ESRRB: variants seen among roughly 807,000 people sequenced by gnomAD.
The protein encoded by ESRRB is estrogen related receptor beta, also known as steroid hormone receptor ERR2.
In ESRRB, 16 loss-of-function variants were observed where a neutral mutation model predicts 46.0. That is an observed-to-expected ratio of 0.35 (90% confidence interval 0.24 to 0.53). The LOEUF is 0.53. Among genes scored for constraint, ESRRB ranks in the 20% least tolerant of loss-of-function variants. The pLI is 0.93. For missense variants in ESRRB, 488 were observed against 607.4 expected (o/e 0.80, Z 2.07); for synonymous variants, 246 against 259.6 (o/e 0.95, Z 0.50).
chr14:76,435,055 A>G (rs1452534780), intron 1 of ESRRB, among the ~76,000 whole-genome samples: 1 of 152,182 alleles, frequency 6.6e-6, no homozygotes, highest in Non-Finnish European at 1.5e-5. Flanking sequence ...AGGAGGGCAG[A>G]GCGGACAGGC....
chr14:76,443,222 TC>T (rs1224022181), intron 2 of ESRRB, among the ~76,000 whole-genome samples: 1 of 152,196 alleles, frequency 6.6e-6, no homozygotes, highest in Non-Finnish European at 1.5e-5. Flanking sequence ...ACCCCAGACC[TC>T]AGTTTTCTTA....
chr14:76,434,665 AAAAAAAGAAAAG>A (rs1887596339), intron 1 of ESRRB, among the ~76,000 whole-genome samples: 1 of 151,864 alleles, frequency 6.6e-6, no homozygotes, highest in Non-Finnish European at 1.5e-5. Context: ...GTCTCAAAAA[AAAAAAAGAAAAG>A]AAAAAAGAAA....
Position 76,468,026 on chromosome 14 carries a change from C to T in ESRRB, c.577+5365C>T, listed in dbSNP as rs143365761. Among the ~76,000 whole-genome samples, 218 of 152,252 alleles carry T rather than the reference C, an allele frequency of 1.4e-3. 3 individuals are homozygous for T. The Middle Eastern group carries it at 0.031, about 21-fold the overall frequency. On this transcript the variant is annotated intron_variant, in intron 3 of 6. Coordinates refer to ENST00000644823, the MANE Select transcript of ESRRB (RefSeq NM_001379180.1). ...GCAATATGCTCTCACTTGCTTTGTGCTTGTTGGGAAGGTGGAGGGCTCCTC... is the reference window on the plus strand; with the variant it reads ...GCAATATGCTCTCACTTGCTTTGTGTTTGTTGGGAAGGTGGAGGGCTCCTC...
chr14:76,424,991 C>A (rs958278511), intron 1 of ESRRB, among the ~76,000 whole-genome samples: 2 of 152,190 alleles, frequency 1.3e-5, no homozygotes, highest in African/African-American at 2.4e-5. Context: ...CCCGCCTCAG[C>A]CTCCCTGAGG....
chr14:76,429,914 C>T (rs1219385719), intron 1 of ESRRB, among the ~76,000 whole-genome samples: 1 of 151,982 alleles, frequency 6.6e-6, no homozygotes, highest in Non-Finnish European at 1.5e-5. Flanking sequence ...TCTTCATTAT[C>T]GCTGGTTCGT....
chr14:76,477,354 T>C (rs1472250165), intron 3 of ESRRB, among the ~76,000 whole-genome samples: 4 of 152,182 alleles, frequency 2.6e-5, no homozygotes, highest in Non-Finnish European at 5.9e-5. Flanking sequence ...CAGATGAATG[T>C]TGAAGTGCTA....
At position 76,417,274 on chromosome 14, in the gene ESRRB, G is replaced by A. The variant is rs190175415; in HGVS notation, c.51-22067G>A. 3.3e-5 allele frequency among the ~76,000 whole-genome samples: 5 copies of A among 152,302 alleles called. No homozygotes were observed. In the East Asian group the frequency reaches 9.6e-4, roughly 29 times the overall value. On this transcript the variant is annotated intron_variant, in intron 1 of 6. Transcript: ENST00000644823. ...GTGGGTATCTGGGTACTCCAGGTAG[G>A]GGGAGCAGTCAGTGCAAAGGCCCTG... is the stretch of plus-strand genomic sequence containing the variant.
chr14:76,371,893 G>C (rs533802917), upstream of ESRRB, among the ~76,000 whole-genome samples: 6 of 152,278 alleles, frequency 3.9e-5, no homozygotes, highest in African/African-American at 1.4e-4. Flanking sequence ...TCCTAGGGGA[G>C]CATATGGCAG....
chr14:76,409,063 C>T (rs1405628636), intron 1 of ESRRB, among the ~76,000 whole-genome samples: 1 of 152,212 alleles, frequency 6.6e-6, no homozygotes, highest in Non-Finnish European at 1.5e-5. Context: ...CTTAACCCAA[C>T]CTGAGCCTCC....
intron 1 of ESRRB, among the ~76,000 whole-genome samples, chr14:76,348,731 T>A (rs1884278473): frequency 6.6e-6 from 1 of 152,188 alleles, no homozygotes; most frequent in African/African-American, 2.4e-5. Context: ...GTGCATAGAC[T>A]GTGTTAAATA....
intron 1 of ESRRB, among the ~76,000 whole-genome samples, chr14:76,339,058 T>C (rs1365094403): frequency 6.6e-6 from 1 of 152,230 alleles, no homozygotes; most frequent in East Asian, 1.9e-4. Flanking sequence ...TTGTGCCCCA[T>C]CTTCCAGTTA....
At chr14:76,382,113 C>T (rs986358328) in intron 1 of ESRRB, among the ~76,000 whole-genome samples, 18 of 152,202 alleles carry the variant, frequency 1.2e-4, no homozygotes, top group African/African-American at 4.1e-4. Flanking sequence ...CATCAAAAGC[C>T]GTGTCCACCC....
At position 76,482,524 on chromosome 14, in the gene ESRRB, G is replaced by T; in HGVS notation, c.689-74G>T. On this transcript the variant is annotated intron_variant, in intron 4 of 6. Transcript: ENST00000644823. This position sits in a 1 kb window ranked among gnomAD's most constrained non-coding sequence, Gnocchi z 4.3. Reference sequence around the variant, plus strand: ...TCTTAGGAACCCAACTTTGCTTCCTGACCCATCTGAGCCTCCACCCCGGCC... The same window carrying T: ...TCTTAGGAACCCAACTTTGCTTCCTTACCCATCTGAGCCTCCACCCCGGCC... 6.4e-7 allele frequency: 1 copy of T among 1,553,696 alleles called. No individual in the cohort carries two copies. The highest frequency in any genetic ancestry group is 1.1e-5 in the South Asian group (1 of 89,024).
intron 1 of ESRRB, among the ~76,000 whole-genome samples, chr14:76,331,320 T>A (rs1413403282): frequency 6.6e-6 from 1 of 152,180 alleles, no homozygotes; most frequent in African/African-American, 2.4e-5. Flanking sequence ...TAGAGTCAAA[T>A]CCTGGCCCCA....
chr14:76,398,900 T>G (rs1885815439), intron 1 of ESRRB, among the ~76,000 whole-genome samples: 1 of 152,172 alleles, frequency 6.6e-6, no homozygotes, highest in Admixed American at 6.5e-5. Context: ...CATCCTGCAT[T>G]TGATTCGGTT....
intron 1 of ESRRB, among the ~76,000 whole-genome samples, chr14:76,427,221 T>C (rs1887240918): frequency 6.6e-6 from 1 of 152,040 alleles, no homozygotes; most frequent in Non-Finnish European, 1.5e-5. Context: ...ACCAAAAATC[T>C]AATGGGAGAG....
chr14:76,334,051 C>T (rs1350860326), intron 1 of ESRRB, among the ~76,000 whole-genome samples: 1 of 152,082 alleles, frequency 6.6e-6, no homozygotes, highest in Non-Finnish European at 1.5e-5. Flanking sequence ...AGCTCCTAAA[C>T]GTACAGGGCT....
In ESRRB at chr14:76,317,310, C is replaced by CTGTGTGTG. The variant is rs4024313; in HGVS notation, c.2+6434_2+6441dup. Among the ~76,000 whole-genome samples, 1,103 of 134,490 alleles carry CTGTGTGTG rather than the reference C, an allele frequency of 8.2e-3. 8 individuals carry two copies. The highest frequency in any genetic ancestry group is 0.01 in the African/African-American group (369 of 35,660). 88.2% of individuals were successfully genotyped at this position (134,490 alleles called of 152,430 possible). ...GAGTAAAATTATTGCTGATTAGGCTCTGTGTGTGTGTGTGTGTGTGTGTGT... is the reference window on the plus strand; with the variant it reads ...GAGTAAAATTATTGCTGATTAGGCTCTGTGTGTGTGTGTGTGTGTGTGTGTGTGTGTGT... On this transcript the variant is annotated intron_variant, in intron 1 of 6. Transcript: ENST00000512784.
At chr14:76,465,932 G>A (rs1356136751) in intron 3 of ESRRB, among the ~76,000 whole-genome samples, 4 of 152,212 alleles carry the variant, frequency 2.6e-5, no homozygotes, top group East Asian at 1.9e-4. Flanking sequence ...CGTGGGGACC[G>A]ACCCCCTTGG....
Sources: gnomAD v4.1 joint callset for allele counts (sites outside exome capture counted in the v4.1 genomes callset) on GRCh38, gnomAD v4.1.1 for gene constraint, Gnocchi (gnomAD v3.1) non-coding constraint, MANE v1.5 for transcripts, NCBI Gene and HGNC (gene_info 2026-07-23, HGNC 2026-07-21) for gene names.